The following PCDH9 variants were observed in gnomAD, a reference collection of about 807,000 sequenced individuals.
The protein encoded by PCDH9 is protocadherin-9.
In PCDH9, 24 loss-of-function variants were observed where a neutral mutation model predicts 70.6. That is an observed-to-expected ratio of 0.34 (90% CI 0.25 to 0.48). PCDH9 has a LOEUF of 0.48. Among genes scored for constraint, PCDH9 ranks in the 20% least tolerant of loss-of-function variants. The pLI, the probability that PCDH9 is intolerant of heterozygous loss-of-function variation, is 0.99. For synonymous variants in PCDH9, 562 were observed against 558.5 expected (o/e 1.01, Z -0.09); for missense variants, 1,281 against 1,503.6 (o/e 0.85, Z 2.45).
rs548447225 is a variant in PCDH9, at chr13:66,863,749, A to T, written c.3138+39755T>A. Among the ~76,000 whole-genome samples the T allele has an allele frequency of 5.9e-5, 9 of 152,278 alleles. No individual in the cohort carries two copies. The South Asian group carries it at 1.9e-3, about 32-fold the overall frequency. On this transcript the variant is annotated intron_variant, in intron 3 of 4. Coordinates refer to ENST00000377865, the MANE Select transcript of PCDH9 (RefSeq NM_203487.3). ...ATCTGCCCAAAGTGATCTGCCTCAC[A>T]AAGTGAATACCAATTTTTTTAATGT...
intron 3 of PCDH9, among the ~76,000 whole-genome samples, chr13:66,699,545 G>A (rs1416949717): frequency 2.0e-5 from 3 of 152,154 alleles, no homozygotes; most frequent in Non-Finnish European, 4.4e-5. Flanking sequence ...AGGGAAGTGT[G>A]CAGATGGAGG....
At chr13:66,679,176 T>C (rs1593881261) in intron 3 of PCDH9, among the ~76,000 whole-genome samples, 1 of 151,750 alleles carries the variant, frequency 6.6e-6, no homozygotes. Context: ...ACTGTACATA[T>C]AATTATATTC....
chr13:66,413,129 C>T (rs1295321042), intron 4 of PCDH9, among the ~76,000 whole-genome samples: 3 of 152,160 alleles, frequency 2.0e-5, no homozygotes, highest in Non-Finnish European at 4.4e-5. Flanking sequence ...AATGCAAGTG[C>T]TTCTAATTCA....
chr13:66,431,944 T>C (rs1429211586), intron 4 of PCDH9, among the ~76,000 whole-genome samples: 1 of 152,026 alleles, frequency 6.6e-6, no homozygotes, highest in Non-Finnish European at 1.5e-5. Flanking sequence ...ACATTGTTGG[T>C]TTTGATTAAT....
rs199765370 is a variant in PCDH9, at chr13:66,988,051, A to T, written c.3037-84446T>A. Among the ~76,000 whole-genome samples the T allele has an allele frequency of 1.2e-4, 18 of 151,906 alleles. No homozygotes were observed. In the East Asian group the frequency reaches 3.3e-3, roughly 28 times the overall value. On this transcript the variant is annotated intron_variant, in intron 2 of 4. Coordinates refer to ENST00000377865, the MANE Select transcript of PCDH9 (RefSeq NM_203487.3). ...GGTAGATGGAACTAAAGTGTGTGGC[A>T]CTATGGTCAGCTAATATTTATTTAC...
At chr13:67,065,476 T>C (rs926650987) in intron 2 of PCDH9, among the ~76,000 whole-genome samples, 1 of 152,176 alleles carries the variant, frequency 6.6e-6, no homozygotes, top group Admixed American at 6.6e-5. Flanking sequence ...CCCAGTGAGA[T>C]AGAATTGAAC....
At position 66,631,419 on chromosome 13, in the gene PCDH9, G is replaced by A. The variant is rs2077570011; in HGVS notation, c.3139-8C>T. 6.4e-7 allele frequency: 1 copy of A among 1,553,844 alleles called. No individual in the cohort carries two copies. Among genetic ancestry groups the A allele is most frequent in the Non-Finnish European group, 8.9e-7 (1 of 1,125,870 alleles). ...CGTAACACGGCGCTGCGACTACAAA[G>A]AAGACCACAGGACATGCTGATTAAC... On this transcript the variant is annotated splice_polypyrimidine_tract_variant and splice_region_variant and intron_variant, in intron 3 of 4. Coordinates refer to ENST00000377865, the MANE Select transcript of PCDH9 (RefSeq NM_203487.3).
chr13:66,433,899 A>G (rs537669717), intron 4 of PCDH9, among the ~76,000 whole-genome samples: 2 of 152,004 alleles, frequency 1.3e-5, no homozygotes, highest in East Asian at 3.9e-4. Context: ...TTCAAGGGTC[A>G]GTCTTTATTT....
intron 2 of PCDH9, among the ~76,000 whole-genome samples, chr13:67,095,057 A>G (rs1429200414): frequency 6.6e-6 from 1 of 152,154 alleles, no homozygotes; most frequent in Non-Finnish European, 1.5e-5. Context: ...TAAAAGCATG[A>G]GAGTTTTTTT....
chr13:66,372,187 T>C (rs187429004), intron 4 of PCDH9, among the ~76,000 whole-genome samples: 3 of 152,112 alleles, frequency 2.0e-5, no homozygotes, highest in Admixed American at 2.0e-4. Flanking sequence ...GTTTGGAAAC[T>C]AAATCTTGTA....
At chr13:67,142,591 T>C (rs557927287) in intron 2 of PCDH9, among the ~76,000 whole-genome samples, 2 of 152,158 alleles carry the variant, frequency 1.3e-5, no homozygotes, top group East Asian at 3.9e-4. Context: ...AAGACAACCT[T>C]TGAGAGTGTA....
chr13:66,926,290 T>G (rs1341951706), intron 2 of PCDH9, among the ~76,000 whole-genome samples: 1 of 152,010 alleles, frequency 6.6e-6, no homozygotes, highest in African/African-American at 2.4e-5. Flanking sequence ...TACCTCACAG[T>G]ATCTTGTAGT....
At chr13:66,562,473 G>C (rs2076587727) in intron 4 of PCDH9, among the ~76,000 whole-genome samples, 1 of 152,152 alleles carries the variant, frequency 6.6e-6, no homozygotes, top group African/African-American at 2.4e-5. Context: ...GTTCCGCATG[G>C]CTGGGGAGGC....
At chr13:66,690,891 AC>A (rs1300461821) in intron 3 of PCDH9, among the ~76,000 whole-genome samples, 3 of 152,212 alleles carry the variant, frequency 2.0e-5, no homozygotes, top group African/African-American at 7.2e-5. Context: ...GTCCTCAACC[AC>A]ATCTCATGAA....
At chr13:66,754,449 A>C (rs1326912043) in intron 3 of PCDH9, among the ~76,000 whole-genome samples, 1 of 151,930 alleles carries the variant, frequency 6.6e-6, no homozygotes, top group East Asian at 1.9e-4. Flanking sequence ...AAAAAGAGGG[A>C]GGTGTGTGTG....
chr13:66,606,979 T>C (rs1356274311), intron 4 of PCDH9, among the ~76,000 whole-genome samples: 1 of 152,172 alleles, frequency 6.6e-6, no homozygotes, highest in Non-Finnish European at 1.5e-5. Flanking sequence ...AATAAAGTTA[T>C]TTAATTAATG....
chr13:66,353,042 C>T lies in PCDH9; in HGVS notation c.3341-48014G>A, dbSNP rs61957576. Among the ~76,000 whole-genome samples, 516 of 152,294 alleles carry T rather than the reference C, an allele frequency of 3.4e-3. 3 individuals are homozygous for T. Among genetic ancestry groups the T allele is most frequent in the Non-Finnish European group, 6.3e-3 (426 of 68,022 alleles). Reference sequence around the variant, plus strand: ...CAGGGAGGGTAATCCTCCATTTTTACACATTTAAAGAGCGAATCAATTAAA... The same window carrying T: ...CAGGGAGGGTAATCCTCCATTTTTATACATTTAAAGAGCGAATCAATTAAA... On this transcript the variant is annotated intron_variant, in intron 4 of 4. Transcript: ENST00000377865.
chr13:66,444,811 C>T (rs1351905705), intron 4 of PCDH9, among the ~76,000 whole-genome samples: 1 of 151,750 alleles, frequency 6.6e-6, no homozygotes, highest in Non-Finnish European at 1.5e-5. Context: ...TCCGCCTTCC[C>T]CGGCCTCCCA....
chr13:66,483,937 G>A (rs981617384), intron 4 of PCDH9, among the ~76,000 whole-genome samples: 10 of 152,056 alleles, frequency 6.6e-5, no homozygotes, highest in African/African-American at 2.4e-4. Context: ...TATGGCAATC[G>A]GACATCGAGG....
Sources: gnomAD v4.1 joint callset for allele counts (sites outside exome capture counted in the v4.1 genomes callset) on GRCh38, gnomAD v4.1.1 for gene constraint, MANE v1.5 for transcripts, NCBI Gene and HGNC (gene_info 2026-07-23, HGNC 2026-07-21) for gene names.